Variants in CSMD1 observed in about 807,000 individuals in gnomAD.
CSMD1 encodes the protein CUB and sushi domain-containing protein 1.
Under a neutral mutation model 417.5 loss-of-function variants are expected in CSMD1, and 213 were observed. The observed-to-expected ratio is 0.51, with a 90% CI of 0.46 to 0.57. The LOEUF is 0.57. CSMD1 is among the 20% of genes least tolerant of loss of function. The probability of loss-of-function intolerance (pLI) is 0.00; values close to 1 mark genes in which losing one functional copy is unlikely to be tolerated. For synonymous variants in CSMD1, 2,862 were observed against 1,736.8 expected, an observed-to-expected ratio of 1.65 and a Z score of -16.11; for missense variants, 6,923 against 4,529.7, an observed-to-expected ratio of 1.53 and a Z score of -15.17.
At chr8:3,477,312 C>T (rs866063047) in intron 11 of CSMD1, among the ~76,000 whole-genome samples, 3 of 152,124 alleles carry the variant, frequency 2.0e-5, no homozygotes, top group Admixed American at 6.5e-5. Flanking sequence ...ACAATGGAAA[C>T]GTAAAGCCTG....
At chr8:3,160,049 G>A (rs1380684869) in intron 38 of CSMD1, among the ~76,000 whole-genome samples, 1 of 152,136 alleles carries the variant, frequency 6.6e-6, no homozygotes, top group Admixed American at 6.6e-5. Context: ...CCCGAAAAAG[G>A]CACAAAAACA....
intron 3 of CSMD1, among the ~76,000 whole-genome samples, chr8:4,359,368 A>G (rs1801620275): frequency 6.6e-6 from 1 of 152,250 alleles, no homozygotes; most frequent in African/African-American, 2.4e-5. Context: ...ATCTACAGAA[A>G]TTATCAATAG....
intron 2 of CSMD1, among the ~76,000 whole-genome samples, chr8:4,449,896 A>C (rs117220525): frequency 6.6e-6 from 1 of 152,278 alleles, no homozygotes; most frequent in East Asian, 1.9e-4. Context: ...CCTCCATAAC[A>C]TATGTATAAA....
Position 4,257,774 on chromosome 8 carries a change from C to T in CSMD1, c.415+162179G>A, listed in dbSNP as rs556407540. ...GTTAGGCCAAGGATAAAACAGCATC[C>T]GCCTCGTAGGAATGCCACTAGCATT... On this transcript the variant is annotated intron_variant, in intron 3 of 69. Coordinates refer to ENST00000635120, the MANE Select transcript of CSMD1 (RefSeq NM_033225.6). Among the ~76,000 whole-genome samples, 167 of 152,250 alleles carry T rather than the reference C, an allele frequency of 1.1e-3. 1 individual carries two copies. Among genetic ancestry groups the T allele is most frequent in the Non-Finnish European group, 1.0e-3 (69 of 68,024 alleles).
chr8:3,909,857 C>A (rs1469479869), intron 5 of CSMD1, among the ~76,000 whole-genome samples: 1 of 152,076 alleles, frequency 6.6e-6, no homozygotes, highest in East Asian at 1.9e-4. Context: ...CTGCTGTATA[C>A]AAGTTGATGG....
At position 2,965,966 on chromosome 8, in the gene CSMD1, G is replaced by C; in HGVS notation, c.9101-12C>G. On this transcript the variant is annotated splice_polypyrimidine_tract_variant and intron_variant, in intron 58 of 69. Transcript: ENST00000635120. ...CCCACAACTTATAACTAATAAACAG[G>C]GAACAGGAAAGAATCAGAGAAATTC... is the stretch of plus-strand genomic sequence containing the variant. The C allele has an allele frequency of 6.3e-7, 1 of 1,590,494 alleles. No individual in the cohort carries two copies. The highest frequency in any genetic ancestry group is 1.3e-5 in the African/African-American group (1 of 74,584).
At chr8:4,442,984 T>A (rs1037209993) in intron 2 of CSMD1, among the ~76,000 whole-genome samples, 3 of 152,176 alleles carry the variant, frequency 2.0e-5, no homozygotes, top group Admixed American at 6.5e-5. Context: ...ATAGTGTCAT[T>A]GCTTTAACTC....
At chr8:3,383,862 G>T (rs1055447361) in intron 18 of CSMD1, among the ~76,000 whole-genome samples, 1 of 152,082 alleles carries the variant, frequency 6.6e-6, no homozygotes, top group Non-Finnish European at 1.5e-5. Context: ...AAAAACTTTT[G>T]ATATGTTTAA....
intron 2 of CSMD1, among the ~76,000 whole-genome samples, chr8:4,610,602 T>C (rs1801117686): frequency 6.6e-6 from 1 of 152,176 alleles, no homozygotes; most frequent in Admixed American, 6.5e-5. Flanking sequence ...AAATATCTGA[T>C]GGCTGAGTTA....
chr8:3,759,620 A>G (rs11783235), intron 5 of CSMD1, among the ~76,000 whole-genome samples: 137,810 of 151,880 alleles, frequency 0.91, 62,547 homozygotes, highest in Admixed American at 0.94. Flanking sequence ...GGTGCCAGGC[A>G]CAGTGGCTCA....
chr8:4,689,269 C>G (rs190903726), intron 1 of CSMD1, among the ~76,000 whole-genome samples: 9 of 152,266 alleles, frequency 5.9e-5, no homozygotes, highest in Non-Finnish European at 1.3e-4. Context: ...ACAAAGTTCA[C>G]CAGCTCCCTA....
At chr8:3,037,170 C>T (rs1218725374) in intron 50 of CSMD1, among the ~76,000 whole-genome samples, 2 of 152,150 alleles carry the variant, frequency 1.3e-5, no homozygotes, top group African/African-American at 4.8e-5. Flanking sequence ...CTTTTTATGG[C>T]TGAGCAGTAT....
At chr8:3,159,233 A>C (rs1819730073) in intron 38 of CSMD1, among the ~76,000 whole-genome samples, 1 of 152,212 alleles carries the variant, frequency 6.6e-6, no homozygotes, top group Admixed American at 6.5e-5. Flanking sequence ...TTACCAATCT[A>C]GGTAATATTC....
chr8:4,646,451 C>T (rs1485201535), intron 1 of CSMD1, among the ~76,000 whole-genome samples: 2 of 152,148 alleles, frequency 1.3e-5, no homozygotes, highest in East Asian at 1.9e-4. Context: ...AAATGTTTCC[C>T]TAAGTAGTGC....
rs925105595 is a variant in CSMD1, at chr8:3,859,670, G to T, written c.819-105628C>A. On this transcript the variant is annotated intron_variant, in intron 5 of 69. Coordinates refer to ENST00000635120, the MANE Select transcript of CSMD1 (RefSeq NM_033225.6). Reference sequence around the variant, plus strand: ...CTGAAGAGTGAGTTCAACCATATGGGCAATTAATCAATGAGTCGTGCCTAC... The same window carrying T: ...CTGAAGAGTGAGTTCAACCATATGGTCAATTAATCAATGAGTCGTGCCTAC... Among the ~76,000 whole-genome samples, 3 of 152,192 alleles carry T rather than the reference G, an allele frequency of 2.0e-5. No individual in the cohort carries two copies. In the South Asian group the frequency reaches 6.2e-4, roughly 32 times the overall value.
chr8:4,854,120 T>C (rs1434950014), intron 1 of CSMD1, among the ~76,000 whole-genome samples: 1 of 152,176 alleles, frequency 6.6e-6, no homozygotes, highest in Non-Finnish European at 1.5e-5. Context: ...TTTGAGTTAA[T>C]GCAGAAGTGA....
intron 1 of CSMD1, among the ~76,000 whole-genome samples, chr8:4,847,120 G>A (rs1033227717): frequency 6.6e-6 from 1 of 152,164 alleles, no homozygotes; most frequent in South Asian, 2.1e-4. Flanking sequence ...TGTGAAAAGA[G>A]AACTTACAGA....
chr8:3,212,922 G>C (rs183563039), intron 30 of CSMD1, among the ~76,000 whole-genome samples: 10 of 148,954 alleles, frequency 6.7e-5, no homozygotes, highest in East Asian at 4.0e-4. Flanking sequence ...TCTGCCTCCC[G>C]GGTTCAAGCG....
At chr8:3,373,056 AT>A (rs773669505) in intron 18 of CSMD1, among the ~76,000 whole-genome samples, 20 of 152,330 alleles carry the variant, frequency 1.3e-4, no homozygotes, top group Admixed American at 2.0e-4. Context: ...AAAACATTTT[AT>A]GTAAAACTGA....
Sources: gnomAD v4.1 joint callset for allele counts (sites outside exome capture counted in the v4.1 genomes callset) on GRCh38, gnomAD v4.1.1 for gene constraint, MANE v1.5 for transcripts, NCBI Gene and HGNC (gene_info 2026-07-23, HGNC 2026-07-21) for gene names.